CHD7: variants seen among roughly 807,000 people sequenced by gnomAD.
CHD7 encodes the protein ATP-dependent chromatin remodeler CHD7.
CHD7 carries 24 observed loss-of-function variants against 307.3 expected under a neutral mutation model. The ratio of observed to expected loss-of-function variants is 0.08; its 90% CI spans 0.06 to 0.11. CHD7 has a LOEUF of 0.11. Among genes scored for constraint, CHD7 ranks in the 10% least tolerant of loss-of-function variants. The probability of loss-of-function intolerance (pLI) is 1.00; values close to 1 mark genes in which losing one functional copy is unlikely to be tolerated. For synonymous variants in CHD7, 1,363 were observed against 1,349.9 expected (o/e 1.01, Z -0.21); for missense variants, 3,106 against 3,727.1 (o/e 0.83, Z 4.34).
intron 1 of CHD7, among the ~76,000 whole-genome samples, chr8:60,692,169 T>C (rs113958730): frequency 2.6e-5 from 4 of 152,302 alleles, no homozygotes; most frequent in African/African-American, 9.6e-5. Flanking sequence ...ATTCTTACAG[T>C]GTATTTTGGA....
At chr8:60,760,366 G>A (rs1303618294) in intron 2 of CHD7, among the ~76,000 whole-genome samples, 2 of 149,370 alleles carry the variant, frequency 1.3e-5, no homozygotes, top group Non-Finnish European at 3.0e-5. Context: ...AGACTTAAAC[G>A]TTAGACCTAA....
At chr8:60,797,556 T>C (rs1413211133) in intron 4 of CHD7, among the ~76,000 whole-genome samples, 2 of 152,228 alleles carry the variant, frequency 1.3e-5, no homozygotes, top group African/African-American at 2.4e-5. Context: ...CAGTTACTTA[T>C]ATGGCACAAC....
intron 19 of CHD7, among the ~76,000 whole-genome samples, chr8:60,838,781 C>T (rs766683595): frequency 1.3e-5 from 2 of 152,234 alleles, no homozygotes. Flanking sequence ...TTCCCTGCCT[C>T]TCTATCAGAG....
intron 1 of CHD7, among the ~76,000 whole-genome samples, chr8:60,719,481 TCAGA>T (rs1273394042): frequency 1.3e-5 from 2 of 152,206 alleles, no homozygotes; most frequent in Non-Finnish European, 2.9e-5. Flanking sequence ...GATATCAGTC[TCAGA>T]CTGACACATT....
chr8:60,722,120 A>G (rs919954137), intron 1 of CHD7, among the ~76,000 whole-genome samples: 1 of 152,142 alleles, frequency 6.6e-6, no homozygotes, highest in Non-Finnish European at 1.5e-5. Flanking sequence ...GGCTGCTTGG[A>G]CATTGGTCTT....
chr8:60,836,267 T>C lies in CHD7; in HGVS notation c.3973T>C (p.Tyr1325His), dbSNP rs377535841. ...GCGCTGCTTGGACATACTGGAAGAC[T>C]ACCTCATTCAAAGACGGTGAGGACC... ...MVRCLDILEDYLIQRRYPYER... is the reference protein window; with the variant it reads ...MVRCLDILEDHLIQRRYPYER... Residue 1325 changes from tyrosine (Y) to histidine (H), a missense_variant, in exon 16 of 38, where the codon TAC becomes CAC. Transcript: ENST00000423902. The C allele has an allele frequency of 1.7e-4, 268 of 1,613,522 alleles. No individual in the cohort carries two copies. The highest frequency in any genetic ancestry group is 2.0e-4 in the Non-Finnish European group (239 of 1,179,646).
At position 60,847,902 on chromosome 8, in the gene CHD7, G is replaced by T. The variant is rs189101983; in HGVS notation, c.5211-613G>T. ...ACAGTAAACTAGAAGGAATAAAAAT[G>T]TCTAACATAGTATTTCATACAGGAG... On this transcript the variant is annotated intron_variant, in intron 23 of 37. Coordinates refer to ENST00000423902, the MANE Select transcript of CHD7 (RefSeq NM_017780.4). Among the ~76,000 whole-genome samples, 75 of 152,132 alleles carry T rather than the reference G, an allele frequency of 4.9e-4. 1 individual carries two copies. Among genetic ancestry groups the T allele is most frequent in the Non-Finnish European group, 5.9e-5 (4 of 68,000 alleles).
At chr8:60,783,811 GT>G (rs1287578670) in intron 3 of CHD7, among the ~76,000 whole-genome samples, 4 of 152,144 alleles carry the variant, frequency 2.6e-5, no homozygotes, top group African/African-American at 7.2e-5. Context: ...TGGCACCTCT[GT>G]TGGCCCTGGT....
At chr8:60,738,681 C>T (rs1263982527) in intron 1 of CHD7, among the ~76,000 whole-genome samples, 1 of 152,056 alleles carries the variant, frequency 6.6e-6, no homozygotes, top group Non-Finnish European at 1.5e-5. Flanking sequence ...TAGTTGCCAG[C>T]TGGGTCTTGA....
chr8:60,850,077 C>T (rs116484609), intron 25 of CHD7, among the ~76,000 whole-genome samples: 126 of 152,230 alleles, frequency 8.3e-4, no homozygotes, highest in African/African-American at 2.8e-3. Context: ...GCCAGCCATG[C>T]GAGTTCCTGC....
chr8:60,766,470 G>A (rs1353279118), intron 2 of CHD7, among the ~76,000 whole-genome samples: 1 of 152,214 alleles, frequency 6.6e-6, no homozygotes, highest in Non-Finnish European at 1.5e-5. Flanking sequence ...TGCTCAGACT[G>A]TGTAGCAGAT....
At chr8:60,821,721 C>T in intron 9 of CHD7, 69 bp from the exon 10 acceptor site, 1 of 1,251,400 alleles carries the variant, frequency 8.0e-7, no homozygotes, top group Non-Finnish European at 1.1e-6. Flanking sequence ...CATATATATA[C>T]ACATATATAT....
chr8:60,851,384 T>A, intron 28 of CHD7, 65 bp downstream of exon 28: 3 of 1,217,932 alleles, frequency 2.5e-6, no homozygotes, highest in Non-Finnish European at 3.6e-6. Context: ...GTTCACGTGG[T>A]AGGGACTGTC....
At chr8:60,863,227 G>A (rs1448696905) in intron 37 of CHD7, 2 of 97,002 alleles carry the variant, frequency 2.1e-5, no homozygotes, top group Non-Finnish European at 4.0e-5. Context: ...CCACCACCCC[G>A]AGTTCCCTCA....
rs778249500 is a variant in CHD7 at position 60,742,130 on chromosome 8, G to A, written c.698G>A (p.Gly233Asp). 2.5e-5 allele frequency: 41 copies of A among 1,613,788 alleles called. No homozygotes were observed. Among genetic ancestry groups the A allele is most frequent in the Non-Finnish European group, 5.9e-6 (7 of 1,179,876 alleles). Residue 233 changes from glycine (G) to aspartate (D), a missense_variant, in exon 2 of 38, where the codon GGC becomes GAC. Physicochemically the swap from Gly to Asp is moderately conservative, Grantham distance 94. Transcript: ENST00000423902. ...CCTTTTATTGCCACCTCAGGACCTG[G>A]CCACTTGTCCCACGTGCCCCAGCAG... Reference protein sequence around the residue: ...GNPFIATSGPGHLSHVPQQSP... With the variant: ...GNPFIATSGPDHLSHVPQQSP...
intron 2 of CHD7, among the ~76,000 whole-genome samples, chr8:60,765,092 G>T (rs1216892815): frequency 6.6e-6 from 1 of 152,168 alleles, no homozygotes; most frequent in Non-Finnish European, 1.5e-5. Flanking sequence ...AGACTGAGGA[G>T]ATGTGACATC....
At chr8:60,717,968 T>TAAA (rs11400085) in intron 1 of CHD7, among the ~76,000 whole-genome samples, 47 of 151,858 alleles carry the variant, frequency 3.1e-4, no homozygotes, top group Non-Finnish European at 5.4e-4. Context: ...CATTTTTTTT[T>TAAA]AAATTTAACT....
At chr8:60,759,210 T>C (rs996843983) in intron 2 of CHD7, among the ~76,000 whole-genome samples, 5 of 152,126 alleles carry the variant, frequency 3.3e-5, no homozygotes, top group African/African-American at 1.2e-4. Context: ...AAAATCTAAC[T>C]GTGTTTGGGA....
intron 7 of CHD7, among the ~76,000 whole-genome samples, chr8:60,811,546 A>T (rs1586369876): frequency 6.6e-6 from 1 of 152,180 alleles, no homozygotes; most frequent in Non-Finnish European, 1.5e-5. Flanking sequence ...CCATTGCATG[A>T]CTGCCGTAAC....
Sources: allele counts gnomAD v4.1 joint callset (sites outside exome capture counted in the v4.1 genomes callset), GRCh38; gene constraint gnomAD v4.1.1; transcripts MANE v1.5; gene names NCBI Gene and HGNC (gene_info 2026-07-23, HGNC 2026-07-21).